The following RSPH14 variants were observed in gnomAD, a reference collection of about 807,000 sequenced individuals.
RSPH14 encodes the protein radial spoke head 14 homolog.
Under a neutral mutation model 26.7 loss-of-function variants are expected in RSPH14, and 20 were observed. The ratio of observed to expected loss-of-function variants is 0.75; its 90% CI spans 0.53 to 1.09. RSPH14 has a LOEUF of 1.09. Ranked by LOEUF, RSPH14 falls within the 50% of genes least tolerant of loss-of-function variation. The pLI is 0.00. For synonymous variants in RSPH14, 177 were observed against 189.3 expected (o/e 0.93, Z 0.53); for missense variants, 449 against 457.2 (o/e 0.98, Z 0.16).
chr22:23,080,593 A>G (rs556951936), intron 4 of RSPH14, among the ~76,000 whole-genome samples: 67 of 152,346 alleles, frequency 4.4e-4, no homozygotes, highest in African/African-American at 1.4e-3. Context: ...TGCAGGTGCA[A>G]GGCCCATCAG....
chr22:23,065,534 C>CAAAAAA lies in RSPH14; in HGVS notation c.422-1407_422-1402dup, dbSNP rs10562943. 3.1e-4 allele frequency among the ~76,000 whole-genome samples: 14 copies of CAAAAAA among 45,176 alleles called. 4 individuals are homozygous for CAAAAAA. Among genetic ancestry groups the CAAAAAA allele is most frequent in the Admixed American group, 1.1e-3 (4 of 3,748 alleles). 29.6% of individuals were successfully genotyped at this position (45,176 alleles called of 152,430 possible). A position where few individuals can be genotyped will look rare whatever the true frequency, so the allele number is the denominator to read the frequency against. ...TTTTTTATTTAATATGCACAGATTGCAAAAAAAAAAAAAAAAAAAAAAAAA... is the reference window on the plus strand; with the variant it reads ...TTTTTTATTTAATATGCACAGATTGCAAAAAAAAAAAAAAAAAAAAAAAAAAAAAAA... On this transcript the variant is annotated intron_variant, in intron 4 of 6. Transcript: ENST00000216036.
the RSPH14 span, among the ~76,000 whole-genome samples, chr22:23,172,854 G>A: frequency 1.3e-5 from 2 of 151,748 alleles, no homozygotes; most frequent in African/African-American, 4.8e-5. Flanking sequence ...GGAGGCTGAG[G>A]CAGGAGAATG....
upstream of RSPH14, chr22:23,145,832 A>T (rs1280464958): frequency 1.1e-5 from 4 of 371,394 alleles, no homozygotes; most frequent in Admixed American, 2.6e-4. Flanking sequence ...CAGAAAAAGG[A>T]GACAGAGGGG....
chr22:23,059,824 G>C, intron 6 of RSPH14, 106 bp from the exon 7 acceptor site: 2 of 1,236,688 alleles, frequency 1.6e-6, no homozygotes, highest in Non-Finnish European at 1.1e-6. Flanking sequence ...AGTCTCAAGG[G>C]GTTTATGCCT....
chr22:23,060,926 G>A (rs2068081541), intron 6 of RSPH14, among the ~76,000 whole-genome samples: 1 of 152,160 alleles, frequency 6.6e-6, no homozygotes, highest in African/African-American at 2.4e-5. Flanking sequence ...CAGAAAGCCT[G>A]GACCGAGAAG....
chr22:23,107,194 G>T (rs2069508088), intron 4 of RSPH14, among the ~76,000 whole-genome samples: 1 of 152,196 alleles, frequency 6.6e-6, no homozygotes, highest in Non-Finnish European at 1.5e-5. Flanking sequence ...CATAGTTGCA[G>T]GGGGGAGGGG....
intron 4 of RSPH14, among the ~76,000 whole-genome samples, chr22:23,068,665 A>C (rs1226090515): frequency 6.6e-6 from 1 of 152,156 alleles, no homozygotes; most frequent in Non-Finnish European, 1.5e-5. Flanking sequence ...CAAACAATTC[A>C]ACTCTGACCC....
At chr22:23,166,971 T>G in the RSPH14 span, among the ~76,000 whole-genome samples, 3 of 152,248 alleles carry the variant, frequency 2.0e-5, 1 homozygote, top group East Asian at 5.8e-4. Flanking sequence ...GAAGCTCGTT[T>G]AACCACAGCA....
chr22:23,078,497 C>T (rs982921525), intron 4 of RSPH14, among the ~76,000 whole-genome samples: 57 of 152,348 alleles, frequency 3.7e-4, no homozygotes, highest in Admixed American at 2.9e-3. Context: ...CCATCTCTGT[C>T]GTGGCTCCTG....
At chr22:23,102,765 A>G (rs1169086360) in intron 4 of RSPH14, among the ~76,000 whole-genome samples, 1 of 152,230 alleles carries the variant, frequency 6.6e-6, no homozygotes. Flanking sequence ...GCTGTCACTG[A>G]ACACAGCAGT....
intron 4 of RSPH14, among the ~76,000 whole-genome samples, chr22:23,129,441 A>G (rs536736214): frequency 1.3e-5 from 2 of 152,210 alleles, no homozygotes; most frequent in Non-Finnish European, 1.5e-5. Context: ...TGGTGCGCCC[A>G]GTGTTGGTGG....
At chr22:23,162,963 G>C in the RSPH14 span, 5 of 338,084 alleles carry the variant, frequency 1.5e-5, no homozygotes, top group Non-Finnish European at 1.7e-5. Flanking sequence ...CCAGGCTGGA[G>C]TGCAATGGCG....
chr22:23,084,822 G>C (rs1253763321), intron 4 of RSPH14, among the ~76,000 whole-genome samples: 2 of 152,238 alleles, frequency 1.3e-5, no homozygotes, highest in African/African-American at 4.8e-5. Flanking sequence ...TCTCCCAGAT[G>C]AGTGTGGGCG....
chr22:23,131,710 C>T (rs951258948), intron 4 of RSPH14: 1 of 1,099,260 alleles, frequency 9.1e-7, no homozygotes, highest in Non-Finnish European at 1.2e-6. Context: ...TAATTTAGCT[C>T]AACCCAGCAC....
intron 4 of RSPH14, among the ~76,000 whole-genome samples, chr22:23,107,601 G>C (rs148846348): frequency 6.2e-4 from 95 of 152,296 alleles, no homozygotes; most frequent in Non-Finnish European, 1.1e-3. Context: ...CTGGGGTGTA[G>C]GGAGCAGAAG....
upstream of RSPH14, among the ~76,000 whole-genome samples, chr22:23,144,105 A>C (rs917013045): frequency 7.3e-5 from 11 of 150,240 alleles, no homozygotes; most frequent in East Asian, 3.9e-4. Context: ...AAAAAAAAAA[A>C]AAAAAAAAAA....
intron 3 of RSPH14, among the ~76,000 whole-genome samples, chr22:23,135,719 T>G (rs938286376): frequency 6.6e-6 from 1 of 152,102 alleles, no homozygotes; most frequent in Admixed American, 6.5e-5. Flanking sequence ...ACATGGGGAT[T>G]GATGAATGCC....
chr22:23,061,554 G>C (rs893578642), intron 6 of RSPH14, among the ~76,000 whole-genome samples: 2 of 152,170 alleles, frequency 1.3e-5, no homozygotes, highest in African/African-American at 4.8e-5. Context: ...CAGGCCCAGG[G>C]AACAGACTGG....
chr22:23,085,932 G>A (rs1248778478), intron 4 of RSPH14, among the ~76,000 whole-genome samples: 1 of 152,228 alleles, frequency 6.6e-6, no homozygotes, highest in Admixed American at 6.5e-5. Context: ...TGGTGCCAAC[G>A]TGGCTCTCAC....
Sources: allele counts gnomAD v4.1 joint callset (sites outside exome capture counted in the v4.1 genomes callset), GRCh38; gene constraint gnomAD v4.1.1; transcripts MANE v1.5; gene names NCBI Gene and HGNC (gene_info 2026-07-23, HGNC 2026-07-21).